C10orf53: variants seen among roughly 807,000 people sequenced by gnomAD.
The protein encoded by C10orf53 is UPF0728 protein C10orf53.
A neutral mutation model predicts 9.4 loss-of-function variants in C10orf53; 8 were observed. The observed-to-expected ratio is 0.85, with a 90% CI of 0.50 to 1.53. The LOEUF (loss-of-function observed/expected upper bound fraction) is 1.53. C10orf53 is among the 40% of genes most tolerant of loss of function. The pLI is 0.00. For missense variants in C10orf53, 117 were observed against 117.8 expected, an observed-to-expected ratio of 0.99 and a Z score of 0.03; for synonymous variants, 48 against 46.0, an observed-to-expected ratio of 1.04 and a Z score of -0.18.
Position 49,694,732 on chromosome 10 carries a change from C to T in C10orf53, c.*130C>T. 1 of 1,491,240 alleles carries T rather than the reference C, an allele frequency of 6.7e-7. No homozygotes were observed. Among genetic ancestry groups the T allele is most frequent in the Non-Finnish European group, 8.9e-7 (1 of 1,120,418 alleles). 92.4% of individuals were successfully genotyped at this position (1,491,240 alleles called of 1,614,324 possible). A position where few individuals can be genotyped will look rare whatever the true frequency, so the allele number is the denominator to read the frequency against. On this transcript the variant is annotated 3_prime_UTR_variant, in exon 3 of 3. Transcript: ENST00000374111. ...GCTAGTCAGAACAGGGCAACTCGGG[C>T]CTGACCTCCAGCTTACGCAGCCTCA...
rs1223406248 is a variant in C10orf53, at chr10:49,679,750, G to A, written c.53G>A (p.Gly18Asp). ...ILRYGPYSAAGLPVEHHTFRL... is the reference protein window; with the variant it reads ...ILRYGPYSAADLPVEHHTFRL... ...CGCTATGGGCCCTACAGCGCGGCAG[G>A]CCTACCGGTGGAGCACCACACCTTC... is the stretch of plus-strand genomic sequence containing the variant. The change falls in exon 1 of 3, where the codon GGC (glycine) becomes GAC (aspartate). Residue 18 changes from glycine (G) to aspartate (D), a missense_variant. Physicochemically the swap from Gly to Asp is moderately conservative, Grantham distance 94. Transcript: ENST00000374111. 1 of 1,546,816 alleles carries A rather than the reference G, an allele frequency of 6.5e-7. No homozygotes were observed. Among genetic ancestry groups the A allele is most frequent in the South Asian group, 1.2e-5 (1 of 83,702 alleles).
At chr10:49,685,634 T>C (rs1168529065) in intron 1 of C10orf53, among the ~76,000 whole-genome samples, 1 of 152,232 alleles carries the variant, frequency 6.6e-6, no homozygotes, top group Non-Finnish European at 1.5e-5. Flanking sequence ...TTCTTGTTTT[T>C]TTCCTTTCTG....
chr10:49,695,226 C>T lies in C10orf53; in HGVS notation c.*624C>T, dbSNP rs1451295631. ...GCATTAATATCGTCTGAGGAGGGCG[C>T]AAAAGAGTCCTCAGCAGAATGTGAG... On this transcript the variant is annotated 3_prime_UTR_variant, in exon 3 of 3. Coordinates refer to ENST00000374111, the MANE Select transcript of C10orf53 (RefSeq NM_001042427.3). The T allele has an allele frequency of 6.5e-6, 1 of 153,736 alleles. No homozygotes were observed. The highest frequency in any genetic ancestry group is 2.4e-5 in the African/African-American group (1 of 41,454). The allele number at this position is 153,736 out of a possible 1,614,324, so 9.5% of individuals were successfully genotyped here. A position where few individuals can be genotyped will look rare whatever the true frequency, so the allele number is the denominator to read the frequency against.
At chr10:49,681,524 T>C (rs1168055331) in intron 1 of C10orf53, among the ~76,000 whole-genome samples, 4 of 152,224 alleles carry the variant, frequency 2.6e-5, no homozygotes, top group African/African-American at 4.8e-5. Context: ...GAAATTTCTG[T>C]TGCAAATACC....
At chr10:49,706,826 T>C (rs1240593369) in intron 2 of C10orf53, among the ~76,000 whole-genome samples, 1 of 152,270 alleles carries the variant, frequency 6.6e-6, no homozygotes, top group African/African-American at 2.4e-5. Flanking sequence ...ACATCTATTG[T>C]ATGTACTGGT....
intron 1 of C10orf53, among the ~76,000 whole-genome samples, chr10:49,688,672 C>T (rs892420118): frequency 7.3e-5 from 11 of 150,084 alleles, no homozygotes; most frequent in African/African-American, 1.2e-4. Context: ...CTCCCTGGCC[C>T]GCTGCTGCAG....
At chr10:49,693,357 T>C (rs1840602757) in intron 1 of C10orf53, among the ~76,000 whole-genome samples, 1 of 152,194 alleles carries the variant, frequency 6.6e-6, no homozygotes, top group Non-Finnish European at 1.5e-5. Context: ...TTTTTGAGGC[T>C]TTTGGTACGT....
chr10:49,701,398 T>G (rs868455265), downstream of C10orf53, among the ~76,000 whole-genome samples: 5 of 151,098 alleles, frequency 3.3e-5, no homozygotes, highest in Non-Finnish European at 7.4e-5. Context: ...AATTGCTGCG[T>G]TTTTTTTTAT....
intron 1 of C10orf53, among the ~76,000 whole-genome samples, chr10:49,682,737 T>C (rs1174311092): frequency 1.3e-5 from 2 of 152,140 alleles, no homozygotes; most frequent in Non-Finnish European, 2.9e-5. Flanking sequence ...AGAGTGCTGA[T>C]TGGTGCATTT....
At position 49,679,683 on chromosome 10, in the gene C10orf53, G is replaced by T; in HGVS notation, c.-15G>T. ...TGTGTTTCTCCCTTGCCTCTGCGGC[G>T]GCGGAGGCCTGGCGATGCCCAAGAA... On this transcript the variant is annotated 5_prime_UTR_variant, in exon 1 of 3. Coordinates refer to ENST00000374111, the MANE Select transcript of C10orf53 (RefSeq NM_001042427.3). 1 of 1,544,526 alleles carries T rather than the reference G, an allele frequency of 6.5e-7. No individual in the cohort carries two copies. The highest frequency in any genetic ancestry group is 2.5e-5 in the East Asian group (1 of 40,240).
chr10:49,684,574 A>G (rs543012677), intron 1 of C10orf53, among the ~76,000 whole-genome samples: 13 of 72,178 alleles, frequency 1.8e-4, no homozygotes, highest in Non-Finnish European at 2.1e-4. Flanking sequence ...ACTTGCACCT[A>G]ATTGTTTGCA....
At chr10:49,698,841 C>T (rs1052945071), downstream of C10orf53, among the ~76,000 whole-genome samples, 15 of 152,082 alleles carry the variant, frequency 9.9e-5, no homozygotes, top group Non-Finnish European at 1.3e-4. Context: ...CCGAGGCCTC[C>T]GAAGTCAGGC....
chr10:49,702,521 G>T (rs965797047), downstream of C10orf53, among the ~76,000 whole-genome samples: 13 of 152,162 alleles, frequency 8.5e-5, no homozygotes, highest in African/African-American at 3.1e-4. Context: ...TTCTCTGCCT[G>T]ACTATCCTCA....
In C10orf53 at chr10:49,695,924, T is replaced by C. The variant is rs1028070467; in HGVS notation, c.*1322T>C. The C allele has an allele frequency of 3.3e-5, 5 of 152,196 alleles. No homozygotes were observed. Among genetic ancestry groups the C allele is most frequent in the Admixed American group, 2.0e-4 (3 of 15,284 alleles). 9.4% of individuals were successfully genotyped at this position (152,196 alleles called of 1,614,324 possible). A position where few individuals can be genotyped will look rare whatever the true frequency, so the allele number is the denominator to read the frequency against. ...TTTTTCAAAACCCAGTTTAAGTTAC[T>C]ATAGATGTAGCATTCAATCTTTGTT... On this transcript the variant is annotated 3_prime_UTR_variant, in exon 3 of 3. Coordinates refer to ENST00000374111, the MANE Select transcript of C10orf53 (RefSeq NM_001042427.3).
Position 49,682,623 on chromosome 10 carries a change from G to C in C10orf53, c.97+2829G>C, listed in dbSNP as rs532898009. On this transcript the variant is annotated intron_variant, in intron 1 of 2. Transcript: ENST00000374111. ...CAGGTGGCCAGCTTTTATTCCCTTA[G>C]TTGGTCCCGCCCATGTCCTGCTGAT... 1.6e-4 allele frequency among the ~76,000 whole-genome samples: 24 copies of C among 152,056 alleles called. No individual in the cohort carries two copies. The South Asian group carries it at 5.0e-3, about 32-fold the overall frequency.
At chr10:49,690,217 G>A (rs1447770616) in intron 1 of C10orf53, among the ~76,000 whole-genome samples, 1 of 152,188 alleles carries the variant, frequency 6.6e-6, no homozygotes, top group Non-Finnish European at 1.5e-5. Flanking sequence ...GGGTTGCAAG[G>A]TATCAGTAGG....
intron 2 of C10orf53, among the ~76,000 whole-genome samples, chr10:49,707,019 A>AT (rs1319471003): frequency 1.1e-4 from 16 of 152,276 alleles, no homozygotes; most frequent in Admixed American, 2.6e-4. Context: ...ATGTTGTTTG[A>AT]TTTTTTTACA....
chr10:49,699,539 A>G (rs1377322533), downstream of C10orf53, among the ~76,000 whole-genome samples: 4 of 152,058 alleles, frequency 2.6e-5, no homozygotes, highest in Non-Finnish European at 5.9e-5. Context: ...TGAAAAACCA[A>G]AACAACCACA....
At chr10:49,685,686 T>A (rs1840521808) in intron 1 of C10orf53, among the ~76,000 whole-genome samples, 1 of 152,200 alleles carries the variant, frequency 6.6e-6, no homozygotes, top group African/African-American at 2.4e-5. Context: ...CCTCCATGGA[T>A]TCTGATGAGA....
Sources: allele counts gnomAD v4.1 joint callset (sites outside exome capture counted in the v4.1 genomes callset), GRCh38; gene constraint gnomAD v4.1.1; transcripts MANE v1.5; gene names NCBI Gene and HGNC (gene_info 2026-07-23, HGNC 2026-07-21).